ERBB4: variants seen among roughly 807,000 people sequenced by gnomAD.
ERBB4 encodes the protein erb-b2 receptor tyrosine kinase 4, also known as receptor tyrosine-protein kinase erbB-4.
ERBB4 carries 42 observed loss-of-function variants against 158.0 expected under a neutral mutation model. That is an observed-to-expected ratio of 0.27 (90% CI 0.21 to 0.34). The LOEUF (loss-of-function observed/expected upper bound fraction) is 0.34, where lower values mean the gene tolerates loss of function less well. Ranked by LOEUF, ERBB4 falls within the 10% of genes least tolerant of loss-of-function variation. The pLI is 1.00. For synonymous variants in ERBB4, 583 were observed against 558.7 expected (o/e 1.04, Z -0.61); for missense variants, 1,333 against 1,624.1 (o/e 0.82, Z 3.08).
At chr2:212,178,926 A>C (rs2081765354) in intron 1 of ERBB4, among the ~76,000 whole-genome samples, 1 of 151,744 alleles carries the variant, frequency 6.6e-6, no homozygotes, top group African/African-American at 2.4e-5. Context: ...ACTTACTGTA[A>C]GAGTTAAATA....
intron 1 of ERBB4, among the ~76,000 whole-genome samples, chr2:212,338,363 C>T (rs1344569062): frequency 1.3e-5 from 2 of 152,012 alleles, no homozygotes; most frequent in African/African-American, 4.8e-5. Context: ...CCTCAAGCTA[C>T]AGATAATTGG....
chr2:212,422,826 T>A (rs2091826756), intron 1 of ERBB4, among the ~76,000 whole-genome samples: 1 of 152,138 alleles, frequency 6.6e-6, no homozygotes, highest in African/African-American at 2.4e-5. Context: ...AATTAAAACA[T>A]TAAAAAGAAC....
chr2:211,777,099 T>C (rs2075897610), intron 4 of ERBB4: 1 of 152,138 alleles, frequency 6.6e-6, no homozygotes, highest in Non-Finnish European at 1.5e-5. Context: ...TCGGAAATAG[T>C]TCTTCAAATT....
chr2:212,519,929 T>C (rs1692059395), intron 1 of ERBB4, among the ~76,000 whole-genome samples: 1 of 151,994 alleles, frequency 6.6e-6, no homozygotes, highest in South Asian at 2.1e-4. Flanking sequence ...TATTCACAAT[T>C]CAAGAAAATG....
chr2:212,011,870 C>G (rs907368797), intron 2 of ERBB4, among the ~76,000 whole-genome samples: 1 of 152,104 alleles, frequency 6.6e-6, no homozygotes, highest in Admixed American at 6.5e-5. Flanking sequence ...ATTGCCTGGA[C>G]CTATTACTTC....
At chr2:212,009,354 G>A (rs1375025383) in intron 2 of ERBB4, among the ~76,000 whole-genome samples, 1 of 151,664 alleles carries the variant, frequency 6.6e-6, no homozygotes, top group East Asian at 1.9e-4. Context: ...AGAAAACCAT[G>A]TGAAGATAGA....
At chr2:212,415,714 T>C (rs13388956) in intron 1 of ERBB4, among the ~76,000 whole-genome samples, 14,488 of 152,112 alleles carry the variant, frequency 0.095, 730 homozygotes, top group South Asian at 0.13. Context: ...GAGTTAAATA[T>C]GAAAATGAGT....
chr2:211,933,415 C>T (rs934881026), intron 3 of ERBB4, among the ~76,000 whole-genome samples: 9 of 152,000 alleles, frequency 5.9e-5, no homozygotes, highest in African/African-American at 2.2e-4. Flanking sequence ...GCAAAACATA[C>T]TGCCCAGTAC....
intron 3 of ERBB4, among the ~76,000 whole-genome samples, chr2:211,815,391 T>G (rs1320155179): frequency 6.6e-6 from 1 of 152,216 alleles, no homozygotes; most frequent in Non-Finnish European, 1.5e-5. Flanking sequence ...GGTGTTATGT[T>G]TTCTTGTTTT....
chr2:211,506,817 T>A (rs2065763021), intron 20 of ERBB4, among the ~76,000 whole-genome samples: 1 of 151,866 alleles, frequency 6.6e-6, no homozygotes, highest in African/African-American at 2.4e-5. Flanking sequence ...AAATCTCAAA[T>A]ATAATGTCAC....
chr2:212,465,710 C>A (rs1169908054), intron 1 of ERBB4, among the ~76,000 whole-genome samples: 1 of 152,136 alleles, frequency 6.6e-6, no homozygotes, highest in Non-Finnish European at 1.5e-5. Flanking sequence ...ACCTCCCTAA[C>A]CAATATATTT....
At chr2:212,413,092 T>C (rs564090121) in intron 1 of ERBB4, among the ~76,000 whole-genome samples, 73 of 151,178 alleles carry the variant, frequency 4.8e-4, no homozygotes, top group African/African-American at 1.7e-3. Flanking sequence ...CTCAGCCTCC[T>C]GAGTAGCTGG....
At chr2:211,828,123 A>C (rs1319648600) in intron 3 of ERBB4, among the ~76,000 whole-genome samples, 1 of 152,184 alleles carries the variant, frequency 6.6e-6, no homozygotes, top group Non-Finnish European at 1.5e-5. Context: ...GAACAATATC[A>C]ATGTGACTGA....
At chr2:211,500,093 TG>T (rs1294579980) in intron 20 of ERBB4, among the ~76,000 whole-genome samples, 1 of 151,966 alleles carries the variant, frequency 6.6e-6, no homozygotes, top group Non-Finnish European at 1.5e-5. Context: ...GGAGATGAAA[TG>T]GTCTTTGAAA....
At chr2:211,426,901 CATATA>C (rs1380326247) in intron 22 of ERBB4, among the ~76,000 whole-genome samples, 1 of 151,754 alleles carries the variant, frequency 6.6e-6, no homozygotes, top group African/African-American at 2.4e-5. Flanking sequence ...TAATCTGTAT[CATATA>C]ATATATAAAG....
chr2:212,503,124 G>T (rs1284901900), intron 1 of ERBB4, among the ~76,000 whole-genome samples: 2 of 152,176 alleles, frequency 1.3e-5, no homozygotes, highest in Non-Finnish European at 2.9e-5. Flanking sequence ...TGGTCCTAGG[G>T]AGAAATTCAG....
At position 212,373,805 on chromosome 2, in the gene ERBB4, ATATATCCATG is replaced by A. The variant is rs1273390120; in HGVS notation, c.82+164634_82+164643del. 9.2e-5 allele frequency among the ~76,000 whole-genome samples: 12 copies of A among 130,304 alleles called. 1 individual carries two copies. The highest frequency in any genetic ancestry group is 2.4e-4 in the South Asian group (1 of 4,160). The allele number at this position is 130,304 out of a possible 152,430, so 85.5% of individuals were successfully genotyped here. ...TATATCCACGTATATATATCCATAT[ATATATCCATG>A]TATATATCCATATATATATATATCC... On this transcript the variant is annotated intron_variant, in intron 1 of 27. Transcript: ENST00000342788.
At chr2:211,981,551 T>C (rs557417218) in intron 2 of ERBB4, among the ~76,000 whole-genome samples, 41 of 152,340 alleles carry the variant, frequency 2.7e-4, no homozygotes, top group African/African-American at 9.6e-4. Context: ...GCAATGACAC[T>C]GAACTTGTTT....
chr2:211,627,874 G>C (rs2069923097), intron 17 of ERBB4, among the ~76,000 whole-genome samples: 1 of 152,144 alleles, frequency 6.6e-6, no homozygotes, highest in African/African-American at 2.4e-5. Context: ...AGAGAACTCA[G>C]TGTAGCAATA....
Sources: allele counts gnomAD v4.1 joint callset (sites outside exome capture counted in the v4.1 genomes callset), GRCh38; gene constraint gnomAD v4.1.1; transcripts MANE v1.5; gene names NCBI Gene and HGNC (gene_info 2026-07-23, HGNC 2026-07-21).